The following PDZK1 variants were observed in gnomAD, a reference collection of about 807,000 sequenced individuals.
PDZK1 encodes the protein PDZ domain containing 1.
Under a neutral mutation model 38.1 loss-of-function variants are expected in PDZK1, and 23 were observed. The ratio of observed to expected loss-of-function variants is 0.60; its 90% CI spans 0.43 to 0.85. The LOEUF (loss-of-function observed/expected upper bound fraction) is 0.85. Ranked by LOEUF, PDZK1 falls within the 40% of genes least tolerant of loss-of-function variation. PDZK1 has a pLI of 0.00. For missense variants in PDZK1, 297 were observed against 504.3 expected, an observed-to-expected ratio of 0.59 and a Z score of 3.94; for synonymous variants, 98 against 186.2, an observed-to-expected ratio of 0.53 and a Z score of 3.86.
intron 5 of PDZK1, among the ~76,000 whole-genome samples, chr1:145,680,262 C>T (rs1196111993): frequency 6.6e-6 from 1 of 151,968 alleles, no homozygotes; most frequent in African/African-American, 2.4e-5. Flanking sequence ...GATGTTTTTA[C>T]AAAACACAAA....
chr1:145,686,703 A>T lies in PDZK1; in HGVS notation c.234T>A (p.Ser78Arg). 1 of 1,540,816 alleles carries T rather than the reference A, an allele frequency of 6.5e-7. No individual in the cohort carries two copies. Among genetic ancestry groups the T allele is most frequent in the Non-Finnish European group, 8.9e-7 (1 of 1,121,380 alleles). ...HMQVVDLVRK[S>R]GNSVTLLVLD... ...GAACTAGTAAAGTCACTGAATTCCC[A>T]CTCTTTCTGACCAGATCCACAACCT... The change falls in exon 3 of 9, where the codon AGT becomes AGA. Residue 78 changes from serine (S) to arginine (R), a missense_variant. Coordinates refer to ENST00000417171, the MANE Select transcript of PDZK1 (RefSeq NM_001201325.2).
intron 6 of PDZK1, among the ~76,000 whole-genome samples, chr1:145,676,819 TACTC>T (rs1389330459): frequency 6.6e-6 from 1 of 151,944 alleles, no homozygotes; most frequent in Non-Finnish European, 1.5e-5. Flanking sequence ...TCAAGCTAAA[TACTC>T]ACATGGTGGC....
chr1:145,679,994 T>C (rs1322264680), intron 5 of PDZK1, among the ~76,000 whole-genome samples: 1 of 152,186 alleles, frequency 6.6e-6, no homozygotes, highest in Non-Finnish European at 1.5e-5. Context: ...CCCAGCTCTG[T>C]CTACTTTCCC....
intron 1 of PDZK1, among the ~76,000 whole-genome samples, chr1:145,699,305 C>T (rs1048116193): frequency 3.9e-5 from 6 of 152,008 alleles, no homozygotes; most frequent in Non-Finnish European, 8.8e-5. Flanking sequence ...GTAATCCCAG[C>T]TACTCAGGAG....
In PDZK1 at chr1:145,671,056, T is replaced by G. The variant is rs1652976539; in HGVS notation, c.*380A>C. ...AAAGCACAATTTTAATAGGCTTATC[T>G]GCTAAGATGCTTTTATAAGCAGCTG... On this transcript the variant is annotated 3_prime_UTR_variant, in exon 9 of 9. Coordinates refer to ENST00000417171, the MANE Select transcript of PDZK1 (RefSeq NM_001201325.2). 5.7e-6 allele frequency: 1 copy of G among 176,646 alleles called. No homozygotes were observed. Among genetic ancestry groups the G allele is most frequent in the Admixed American group, 5.9e-5 (1 of 17,068 alleles). The allele number at this position is 176,646 out of a possible 1,614,324, so 10.9% of individuals were successfully genotyped here. A position where few individuals can be genotyped will look rare whatever the true frequency, so the allele number is the denominator to read the frequency against.
At chr1:145,705,842 C>A (rs1290026755) in intron 1 of PDZK1, among the ~76,000 whole-genome samples, 1 of 152,168 alleles carries the variant, frequency 6.6e-6, no homozygotes, top group Non-Finnish European at 1.5e-5. Flanking sequence ...CCTCGACCCC[C>A]TGGGCTCAAG....
In PDZK1 at chr1:145,702,824, C is replaced by T. The variant is rs60194540; in HGVS notation, c.-3+4493G>A. Among the ~76,000 whole-genome samples the T allele has an allele frequency of 4.7e-3, 715 of 152,238 alleles. 7 individuals carry two copies. Among genetic ancestry groups the T allele is most frequent in the African/African-American group, 0.016 (674 of 41,544 alleles). On this transcript the variant is annotated intron_variant, in intron 1 of 8. Transcript: ENST00000417171. ...AGGGGAATGGTGTGAACCCAAGAGGCGGAGCTTGCAGTGAGCCAAGATCGT... is the reference window on the plus strand; with the variant it reads ...AGGGGAATGGTGTGAACCCAAGAGGTGGAGCTTGCAGTGAGCCAAGATCGT...
At chr1:145,700,742 A>C (rs1188822177) in intron 1 of PDZK1, among the ~76,000 whole-genome samples, 7 of 152,164 alleles carry the variant, frequency 4.6e-5, no homozygotes, top group African/African-American at 1.7e-4. Context: ...TAGAAGTGGC[A>C]GGATTATTCC....
chr1:145,674,595 A>G (rs2101869981), intron 6 of PDZK1, among the ~76,000 whole-genome samples: 1 of 152,178 alleles, frequency 6.6e-6, no homozygotes, highest in African/African-American at 2.4e-5. Flanking sequence ...TTTGGACTCT[A>G]AGATCTACAG....
At chr1:145,687,619 G>A (rs1553702103) in intron 2 of PDZK1, among the ~76,000 whole-genome samples, 193 bp downstream of exon 2, 2 of 151,538 alleles carry the variant, frequency 1.3e-5, no homozygotes, top group African/African-American at 4.9e-5. Flanking sequence ...AAATCCAAGA[G>A]TAATGTGTAC....
intron 1 of PDZK1, among the ~76,000 whole-genome samples, chr1:145,701,975 G>A (rs1356761163): frequency 6.6e-6 from 1 of 152,122 alleles, no homozygotes; most frequent in East Asian, 1.9e-4. Flanking sequence ...AAAAATAGAA[G>A]GAGAAGCAAG....
intron 2 of PDZK1, among the ~76,000 whole-genome samples, chr1:145,687,035 A>G (rs1654835044): frequency 1.3e-5 from 2 of 152,168 alleles, no homozygotes; most frequent in Non-Finnish European, 2.9e-5. Context: ...TCCCGTGTGC[A>G]TGGGGACAGC....
rs186652673 is a variant in PDZK1 at position 145,681,429 on chromosome 1, C to T, written c.598-322G>A. On this transcript the variant is annotated intron_variant, in intron 4 of 8. Coordinates refer to ENST00000417171, the MANE Select transcript of PDZK1 (RefSeq NM_001201325.2). ...TCCCGAGTACCTGGGACTACAGGTGCCCGCCACCGCACCTGGCTAAATTTT... is the reference window on the plus strand; with the variant it reads ...TCCCGAGTACCTGGGACTACAGGTGTCCGCCACCGCACCTGGCTAAATTTT... 2.8e-4 allele frequency among the ~76,000 whole-genome samples: 42 copies of T among 149,318 alleles called. 3 individuals are homozygous for T. Among genetic ancestry groups the T allele is most frequent in the African/African-American group, 1.1e-3 (42 of 38,916 alleles).
intron 3 of PDZK1, among the ~76,000 whole-genome samples, chr1:145,683,602 T>C (rs1320782821): frequency 1.3e-5 from 2 of 152,160 alleles, no homozygotes; most frequent in Non-Finnish European, 2.9e-5. Flanking sequence ...AATAGAGCAG[T>C]TCCCCCTTAA....
intron 2 of PDZK1, 149 bp downstream of exon 2, chr1:145,687,663 C>CA (rs1654907253): frequency 1.5e-6 from 1 of 669,128 alleles, no homozygotes; most frequent in Non-Finnish European, 2.6e-6. Context: ...CTTGATTGGC[C>CA]AACACAAGGT....
At chr1:145,683,273 T>A (rs1171012261) in intron 3 of PDZK1, among the ~76,000 whole-genome samples, 1 of 152,252 alleles carries the variant, frequency 6.6e-6, no homozygotes, top group African/African-American at 2.4e-5. Flanking sequence ...TTGATTTGAA[T>A]AGAATTTCTG....
At chr1:145,704,320 C>T (rs1400948100) in intron 1 of PDZK1, among the ~76,000 whole-genome samples, 1 of 152,206 alleles carries the variant, frequency 6.6e-6, no homozygotes, top group African/African-American at 2.4e-5. Flanking sequence ...CCAGGCTTGG[C>T]ACCTCAGAAA....
chr1:145,676,839 A>ATGTG (rs1553699374), intron 6 of PDZK1, among the ~76,000 whole-genome samples: 1 of 152,048 alleles, frequency 6.6e-6, no homozygotes, highest in Non-Finnish European at 1.5e-5. Flanking sequence ...GTGGCTTCCA[A>ATGTG]AACCTCTTCC....
chr1:145,688,267 A>G lies in PDZK1; in HGVS notation c.-2-244T>C, dbSNP rs112487057. 1.4e-3 allele frequency among the ~76,000 whole-genome samples: 218 copies of G among 152,294 alleles called. 1 individual carries two copies. The highest frequency in any genetic ancestry group is 5.2e-3 in the African/African-American group (216 of 41,562). ...ACGTATTTTTTACTGAGTACTGGAC[A>G]CAGATGCTTCCATTTCAGTATCTCC... On this transcript the variant is annotated intron_variant, in intron 1 of 8. Transcript: ENST00000417171.
Sources: gnomAD v4.1 joint callset for allele counts (sites outside exome capture counted in the v4.1 genomes callset) on GRCh38, gnomAD v4.1.1 for gene constraint, MANE v1.5 for transcripts, NCBI Gene and HGNC (gene_info 2026-07-23, HGNC 2026-07-21) for gene names.